The following RHBDD1 variants were observed in gnomAD, a reference collection of about 807,000 sequenced individuals.
The protein encoded by RHBDD1 is rhomboid-related protein 4.
Under a neutral mutation model 36.3 loss-of-function variants are expected in RHBDD1, and 38 were observed. That is an observed-to-expected ratio of 1.05 (90% CI 0.81 to 1.37). The LOEUF (loss-of-function observed/expected upper bound fraction) is 1.37, where lower values mean the gene tolerates loss of function less well. RHBDD1 is among the 40% of genes most tolerant of loss of function. RHBDD1 has a pLI of 0.00. For missense variants in RHBDD1, 393 were observed against 377.6 expected (o/e 1.04, Z -0.34); for synonymous variants, 151 against 136.5 (o/e 1.11, Z -0.74).
intron 8 of RHBDD1, among the ~76,000 whole-genome samples, chr2:226,986,730 T>C (rs1299437610): frequency 6.6e-6 from 1 of 152,210 alleles, no homozygotes; most frequent in East Asian, 1.9e-4. Flanking sequence ...ACACTGTTGG[T>C]GGGAGTGTAA....
At chr2:226,863,409 A>T (rs554399904) in intron 3 of RHBDD1, among the ~76,000 whole-genome samples, 1 of 152,314 alleles carries the variant, frequency 6.6e-6, no homozygotes, top group East Asian at 1.9e-4. Flanking sequence ...AAACCACAGC[A>T]CTCGCGAAAG....
chr2:226,961,236 T>C (rs994024206), intron 8 of RHBDD1, among the ~76,000 whole-genome samples: 1 of 152,102 alleles, frequency 6.6e-6, no homozygotes, highest in Non-Finnish European at 1.5e-5. Flanking sequence ...TATGGGTATT[T>C]TGTGGGTAGG....
chr2:226,909,575 T>C (rs1340643378), intron 7 of RHBDD1, among the ~76,000 whole-genome samples: 1 of 152,022 alleles, frequency 6.6e-6, no homozygotes, highest in African/African-American at 2.4e-5. Flanking sequence ...GTGATGATTT[T>C]AGTAGGGTAG....
intron 8 of RHBDD1, among the ~76,000 whole-genome samples, chr2:226,929,413 C>A (rs180900405): frequency 6.6e-6 from 1 of 152,130 alleles, no homozygotes; most frequent in African/African-American, 2.4e-5. Flanking sequence ...ATGATCATCT[C>A]AATTGATGCA....
chr2:226,916,614 ATCT>A (rs1475816645), intron 8 of RHBDD1, among the ~76,000 whole-genome samples: 3 of 152,220 alleles, frequency 2.0e-5, no homozygotes, highest in Admixed American at 6.5e-5. Flanking sequence ...TTTGGGAGAC[ATCT>A]TCTGATTATT....
At chr2:226,885,077 T>C (rs1045056211) in intron 5 of RHBDD1, among the ~76,000 whole-genome samples, 1 of 152,158 alleles carries the variant, frequency 6.6e-6, no homozygotes, top group African/African-American at 2.4e-5. Context: ...ATGTCTAACA[T>C]AAAAGCTTTA....
intron 3 of RHBDD1, among the ~76,000 whole-genome samples, chr2:226,850,360 T>C (rs537760396): frequency 1.3e-5 from 2 of 152,348 alleles, no homozygotes; most frequent in African/African-American, 4.8e-5. Context: ...TTAAATTTAA[T>C]TTCTGCGGTT....
intron 8 of RHBDD1, chr2:226,968,925 G>C (rs933065421): frequency 7.7e-6 from 1 of 130,330 alleles, no homozygotes; most frequent in Non-Finnish European, 1.6e-5. Context: ...GATATTTGAG[G>C]GTGCCTTTTG....
upstream of RHBDD1, among the ~76,000 whole-genome samples, chr2:226,831,099 C>CT (rs552106806): frequency 6.6e-6 from 1 of 152,164 alleles, no homozygotes; most frequent in Non-Finnish European, 1.5e-5. Context: ...CTTGTAATGT[C>CT]TTTGTCTGAA....
At chr2:226,955,925 T>G (rs1951759777) in intron 8 of RHBDD1, among the ~76,000 whole-genome samples, 1 of 152,150 alleles carries the variant, frequency 6.6e-6, no homozygotes. Flanking sequence ...GGGACATGAT[T>G]TAGTCCCTAA....
chr2:226,943,618 TTAAA>T (rs1252795109), intron 8 of RHBDD1, among the ~76,000 whole-genome samples: 3 of 151,072 alleles, frequency 2.0e-5, no homozygotes, highest in African/African-American at 7.4e-5. Context: ...CATTGTGTCT[TTAAA>T]TAAGCTGGGT....
chr2:226,854,021 TTGTA>T (rs1943084085), intron 3 of RHBDD1, among the ~76,000 whole-genome samples: 1 of 152,190 alleles, frequency 6.6e-6, no homozygotes, highest in African/African-American at 2.4e-5. Flanking sequence ...ATGAAGCAAA[TTGTA>T]TGTAATTACT....
At position 226,943,710 on chromosome 2, in the gene RHBDD1, A is replaced by G. The variant is rs573347436; in HGVS notation, c.856+29359A>G. Among the ~76,000 whole-genome samples, 6 of 152,250 alleles carry G rather than the reference A, an allele frequency of 3.9e-5. No individual in the cohort carries two copies. The South Asian group carries it at 1.0e-3, about 26-fold the overall frequency. ...AATTTTAAACCTCAAGTAATTTACT[A>G]TTGTCTAGAGCATGCTTTTTGGAGA... On this transcript the variant is annotated intron_variant, in intron 8 of 8. Coordinates refer to ENST00000392062, the MANE Select transcript of RHBDD1 (RefSeq NM_001167608.3).
intron 8 of RHBDD1, among the ~76,000 whole-genome samples, chr2:226,928,462 T>C (rs946896823): frequency 6.6e-6 from 1 of 152,018 alleles, no homozygotes; most frequent in Non-Finnish European, 1.5e-5. Context: ...TAAATGATAA[T>C]AGTGACACAA....
intron 7 of RHBDD1, among the ~76,000 whole-genome samples, chr2:226,909,496 T>A (rs1350215645): frequency 2.0e-5 from 3 of 152,162 alleles, no homozygotes; most frequent in Non-Finnish European, 4.4e-5. Flanking sequence ...ATTGGAACAC[T>A]CATGTCTTAA....
chr2:226,947,106 A>G (rs1951040085), intron 8 of RHBDD1, among the ~76,000 whole-genome samples: 1 of 151,962 alleles, frequency 6.6e-6, no homozygotes, highest in African/African-American at 2.4e-5. Context: ...CTTTAGTTTA[A>G]TTAGATCCCA....
intron 3 of RHBDD1, among the ~76,000 whole-genome samples, chr2:226,860,007 G>C (rs530964111): frequency 7.1e-6 from 1 of 140,648 alleles, no homozygotes; most frequent in South Asian, 2.1e-4. Flanking sequence ...GAAGTAGATT[G>C]ATAAAAAAAA....
intron 8 of RHBDD1, among the ~76,000 whole-genome samples, chr2:226,934,314 T>C (rs1950208510): frequency 6.6e-6 from 1 of 152,150 alleles, no homozygotes; most frequent in South Asian, 2.1e-4. Flanking sequence ...TAGTAGGCTA[T>C]GCCATGTAGG....
At chr2:226,892,394 A>G (rs1946757965) in intron 5 of RHBDD1, among the ~76,000 whole-genome samples, 1 of 151,540 alleles carries the variant, frequency 6.6e-6, no homozygotes, top group Admixed American at 6.6e-5. Context: ...TTTTTGTCCT[A>G]ATCTTGATGT....
Sources: gnomAD v4.1 joint callset for allele counts (sites outside exome capture counted in the v4.1 genomes callset) on GRCh38, gnomAD v4.1.1 for gene constraint, MANE v1.5 for transcripts, NCBI Gene and HGNC (gene_info 2026-07-23, HGNC 2026-07-21) for gene names.